The following HSPG2 variants were observed in gnomAD, a reference collection of about 807,000 sequenced individuals.
HSPG2 encodes basement membrane-specific heparan sulfate proteoglycan core protein.
Under a neutral mutation model 526.6 loss-of-function variants are expected in HSPG2, and 278 were observed. The observed-to-expected ratio is 0.53, with a 90% CI of 0.48 to 0.58. HSPG2 has a LOEUF of 0.58. HSPG2 is among the 20% of genes least tolerant of loss of function. The probability of loss-of-function intolerance (pLI) is 0.00; values close to 1 mark genes in which losing one functional copy is unlikely to be tolerated. For synonymous variants in HSPG2, 2,465 were observed against 2,555.4 expected (o/e 0.96, Z 1.07); for missense variants, 5,354 against 6,099.5 (o/e 0.88, Z 4.07).
At chr1:21,837,652 C>A (rs966110758) in intron 74 of HSPG2, among the ~76,000 whole-genome samples, 1 of 151,852 alleles carries the variant, frequency 6.6e-6, no homozygotes. Context: ...ATAAGAGAAT[C>A]CAGGGACTTG....
Position 21,855,801 on chromosome 1 carries a change from G to A in HSPG2, c.5687C>T (p.Thr1896Ile), listed in dbSNP as rs1445323146. Reference protein sequence around the residue: ...RCSATGSPTPTLEWTGGPGGQ... With the variant: ...RCSATGSPTPILEWTGGPGGQ... The stretch of plus-strand genomic sequence containing the variant: ...CACGGCCTCACCTGTCCACTCGAGG[G>A]TGGGCGTGGGGCTCCCTGTGGCGCT... The change falls in exon 45 of 97, where the codon ACC (threonine) becomes ATC (isoleucine). Residue 1896 changes from threonine to isoleucine, a missense_variant. Physicochemically the swap from Thr to Ile is moderately conservative, Grantham distance 89. Transcript: ENST00000374695. 5.0e-6 allele frequency: 8 copies of A among 1,613,162 alleles called. No individual in the cohort carries two copies. The highest frequency in any genetic ancestry group is 1.3e-5 in the African/African-American group (1 of 74,938).
rs898599613 is a variant in HSPG2, at chr1:21,875,992, C to G, written c.3054G>C (p.Gln1018His). ...ELRFTVTQRS[Q>H]PGSTPLHGQP... Reference sequence around the variant, plus strand: ...GCCCGTGCAGGGGTGTGGAGCCCGGCTGGGACCTCTGGGTCACTGTGAAGC... The same window carrying G: ...GCCCGTGCAGGGGTGTGGAGCCCGGGTGGGACCTCTGGGTCACTGTGAAGC... The change falls in exon 24 of 97, where the codon CAG becomes CAC. Residue 1018 changes from glutamine to histidine, a missense_variant. Physicochemically the swap from Gln to His is conservative, Grantham distance 24. Transcript: ENST00000374695. The G allele has an allele frequency of 1.2e-6, 2 of 1,614,166 alleles. No homozygotes were observed. The highest frequency in any genetic ancestry group is 2.7e-5 in the African/African-American group (2 of 75,080).
At position 21,906,315 on chromosome 1, in the gene HSPG2, G is replaced by A. The variant is rs141174996; in HGVS notation, c.64-10005C>T. 6.9e-3 allele frequency among the ~76,000 whole-genome samples: 1,048 copies of A among 152,310 alleles called. 11 individuals are homozygous for A. The highest frequency in any genetic ancestry group is 0.024 in the African/African-American group (979 of 41,554). On this transcript the variant is annotated intron_variant, in intron 1 of 96. Transcript: ENST00000374695. ...CAGAACTCTGGCTCCAGGGCCTTGC[G>A]CAACACAGCCAGACAGCCAGGCCTC...
chr1:21,830,981 C>T lies in HSPG2; in HGVS notation c.11671+1G>A. 6 of 1,574,682 alleles carry T rather than the reference C, an allele frequency of 3.8e-6. No individual in the cohort carries two copies. The highest frequency in any genetic ancestry group is 4.3e-6 in the Non-Finnish European group (5 of 1,158,836). On this transcript the variant is annotated splice_donor_variant, in intron 85 of 96. Transcript: ENST00000374695. LOFTEE classifies it high-confidence loss of function. ...CAGCGACTGGCGGTCGGGGTGCGTA[C>T]CTGGATGGCAGTGCAGGGCCTGCGA...
chr1:21,936,572 T>G (rs1001868684), intron 1 of HSPG2, among the ~76,000 whole-genome samples: 1 of 152,176 alleles, frequency 6.6e-6, no homozygotes, highest in African/African-American at 2.4e-5. Context: ...ACACAGTTAC[T>G]CAGTGAAAGG....
Position 21,854,672 on chromosome 1 carries a change from C to T in HSPG2, c.6227G>A (p.Gly2076Glu), listed in dbSNP as rs1216343301. Residue 2076 changes from glycine to glutamate, a missense_variant, in exon 49 of 97, where the codon GGG becomes GAG. By Grantham distance (98) the Gly-to-Glu change is moderately conservative. Transcript: ENST00000374695. Reference protein sequence around the residue: ...QTLDLNCVVAGSAHAQVTWYR... With the variant: ...QTLDLNCVVAESAHAQVTWYR... ...CCAGGTGACCTGGGCATGGGCTGAC[C>T]CTGCCACCACACAGTTGAGGTCGAG... The T allele has an allele frequency of 3.7e-6, 6 of 1,606,580 alleles. No individual in the cohort carries two copies. In the African/African-American group the frequency reaches 5.3e-5, roughly 14 times the overall value.
intron 1 of HSPG2, among the ~76,000 whole-genome samples, chr1:21,926,758 T>C (rs12740649): frequency 0.021 from 1,408 of 66,482 alleles, 19 homozygotes; most frequent in South Asian, 0.058. Flanking sequence ...TGAGACTCAG[T>C]CTCAAAAAAA....
rs984194643 is a variant in HSPG2 at position 21,898,656 on chromosome 1, C to T, written c.64-2346G>A. Among the ~76,000 whole-genome samples the T allele has an allele frequency of 1.3e-5, 2 of 152,252 alleles. No homozygotes were observed. Among genetic ancestry groups the T allele is most frequent in the Non-Finnish European group, 1.5e-5 (1 of 68,038 alleles). ...GGTGGGGTAAAGGGCAGTGTTCCCA[C>T]TGGCTGGAGCAGGCCTGACTGACCC... is the stretch of plus-strand genomic sequence containing the variant. On this transcript the variant is annotated intron_variant, in intron 1 of 96. Coordinates refer to ENST00000374695, the MANE Select transcript of HSPG2 (RefSeq NM_005529.7). The surrounding 1 kb of genome is among the most constrained non-coding windows in gnomAD (Gnocchi z 4.0).
intron 33 of HSPG2, among the ~76,000 whole-genome samples, chr1:21,867,891 G>A (rs941975221): frequency 2.6e-5 from 4 of 151,814 alleles, no homozygotes; most frequent in African/African-American, 4.8e-5. Context: ...CAACACACCC[G>A]GCTAGTTTTT....
chr1:21,873,499 T>A, intron 29 of HSPG2, 75 bp from the exon 30 acceptor site: 1 of 1,398,310 alleles, frequency 7.2e-7, no homozygotes. Context: ...GAGGGCCCCA[T>A]ATTGAATTCA....
chr1:21,896,437 A>C (rs896582387), intron 1 of HSPG2, 127 bp from the exon 2 acceptor site: 2 of 1,135,482 alleles, frequency 1.8e-6, no homozygotes, highest in African/African-American at 3.0e-5. Context: ...AATTTGACTT[A>C]GTATGGCTCA....
intron 30 of HSPG2, 122 bp downstream of exon 30, chr1:21,873,251 CAT>C (rs1246058055): frequency 8.0e-7 from 1 of 1,250,632 alleles, no homozygotes; most frequent in African/African-American, 1.5e-5. Context: ...CTCCTATCCC[CAT>C]TTTACAGATG....
Position 21,865,838 on chromosome 1 carries a change from G to A in HSPG2, c.4222-29C>T. The A allele has an allele frequency of 1.3e-6, 2 of 1,552,810 alleles. No individual in the cohort carries two copies. Among genetic ancestry groups the A allele is most frequent in the Non-Finnish European group, 1.8e-6 (2 of 1,125,034 alleles). ...CAAAGAGGCAAGCCCAGAGGTCACA[G>A]GCTGACCTTGGGGTGTGAGTGTTGG... On this transcript the variant is annotated intron_variant, in intron 33 of 96. Coordinates refer to ENST00000374695, the MANE Select transcript of HSPG2 (RefSeq NM_005529.7). The surrounding 1 kb of genome is among the most constrained non-coding windows in gnomAD (Gnocchi z 5.4).
Position 21,823,710 on chromosome 1 carries a change from G to A in HSPG2, c.12909C>T (p.Arg4303=). The part of the protein sequence containing the change: ...WHRVTALREG[R]RGSIQVDGEE... Reference sequence around the variant, plus strand: ...CACCGTCGACTTGGATGGAACCTCTGCGGCCCTCCCTGCAGTGGAACTGGG... The same window carrying A: ...CACCGTCGACTTGGATGGAACCTCTACGGCCCTCCCTGCAGTGGAACTGGG... Residue 4303 remains arginine, a synonymous_variant, in exon 96 of 97, where the codon CGC becomes CGT. Coordinates refer to ENST00000374695, the MANE Select transcript of HSPG2 (RefSeq NM_005529.7). 6.2e-7 allele frequency: 1 copy of A among 1,613,388 alleles called. No individual in the cohort carries two copies. The highest frequency in any genetic ancestry group is 8.5e-7 in the Non-Finnish European group (1 of 1,179,932).
intron 1 of HSPG2, chr1:21,908,542 G>A: frequency 1.1e-6 from 1 of 938,268 alleles, no homozygotes; most frequent in East Asian, 2.4e-5. Flanking sequence ...GAAGGAGCCT[G>A]AGCTGCTGGA....
intron 77 of HSPG2, 99 bp downstream of exon 77, chr1:21,834,580 A>G (rs2098018588): frequency 2.8e-6 from 4 of 1,405,428 alleles, no homozygotes; most frequent in Non-Finnish European, 3.9e-6. Flanking sequence ...GTCCCAAGTG[A>G]ACAGAAAGGA....
intron 1 of HSPG2, among the ~76,000 whole-genome samples, chr1:21,929,562 C>T (rs1213903309): frequency 6.6e-6 from 1 of 151,468 alleles, no homozygotes; most frequent in Non-Finnish European, 1.5e-5. Flanking sequence ...TGTGAGCCAC[C>T]ACTCCTGGCC....
intron 1 of HSPG2, among the ~76,000 whole-genome samples, chr1:21,922,891 C>T (rs1477413787): frequency 6.6e-6 from 1 of 152,174 alleles, no homozygotes; most frequent in African/African-American, 2.4e-5. Flanking sequence ...GCCAGACTGA[C>T]TTAATTAACC....
chr1:21,914,542 C>T (rs974204518), intron 1 of HSPG2, among the ~76,000 whole-genome samples: 3 of 152,130 alleles, frequency 2.0e-5, no homozygotes, highest in Non-Finnish European at 2.9e-5. Context: ...TGTCCAGGGA[C>T]GACTGGCTTC....
Sources: gnomAD v4.1 joint callset for allele counts (sites outside exome capture counted in the v4.1 genomes callset) on GRCh38, gnomAD v4.1.1 for gene constraint, Gnocchi (gnomAD v3.1) non-coding constraint, MANE v1.5 for transcripts, NCBI Gene and HGNC (gene_info 2026-07-23, HGNC 2026-07-21) for gene names.